Variants in PLEKHA1 observed in about 807,000 individuals in gnomAD.
PLEKHA1 encodes pleckstrin homology domain containing A1, also known as pleckstrin homology domain-containing family A member 1.
Under a neutral mutation model 52.0 loss-of-function variants are expected in PLEKHA1, and 34 were observed. The observed-to-expected ratio is 0.65, with a 90% CI of 0.50 to 0.87. PLEKHA1 has a LOEUF of 0.87. Among genes scored for constraint, PLEKHA1 ranks in the 40% least tolerant of loss-of-function variants. PLEKHA1 has a pLI of 0.00. For synonymous variants in PLEKHA1, 163 were observed against 170.7 expected (o/e 0.95, Z 0.35); for missense variants, 497 against 504.2 (o/e 0.99, Z 0.14).
intron 8 of PLEKHA1, 21 bp from the exon 9 acceptor site, chr10:122,424,171 GTTTTTTT>G (rs34058512): frequency 2.9e-4 from 274 of 955,378 alleles, no homozygotes; most frequent in African/African-American, 2.5e-3. Context: ...TCATGTAACT[GTTTTTTT>G]TTTTTTTTTT....
At chr10:122,410,943 A>G (rs1035544438) in intron 5 of PLEKHA1, among the ~76,000 whole-genome samples, 11 of 152,132 alleles carry the variant, frequency 7.2e-5, no homozygotes, top group African/African-American at 2.4e-4. Flanking sequence ...GTTCTTCTCA[A>G]TGAGATAACT....
At chr10:122,402,845 A>T (rs2096950245) in intron 4 of PLEKHA1, among the ~76,000 whole-genome samples, 1 of 152,224 alleles carries the variant, frequency 6.6e-6, no homozygotes. Context: ...ATAGGAAGAT[A>T]TCTTAAATGA....
In PLEKHA1 at chr10:122,426,935, C is replaced by T; in HGVS notation, c.811-7C>T. 1 of 1,608,668 alleles carries T rather than the reference C, an allele frequency of 6.2e-7. No individual in the cohort carries two copies. Among genetic ancestry groups the T allele is most frequent in the South Asian group, 1.1e-5 (1 of 90,432 alleles). On this transcript the variant is annotated splice_region_variant and splice_polypyrimidine_tract_variant and intron_variant, in intron 10 of 11. Transcript: ENST00000368990. ...AAATTGTTTGAATGAGTTCTTTTTT[C>T]CTTTAGGCTGATAGCCCTGAAGAGA... is the stretch of plus-strand genomic sequence containing the variant.
intron 4 of PLEKHA1, among the ~76,000 whole-genome samples, chr10:122,400,832 A>G (rs1376446883): frequency 2.0e-5 from 3 of 152,248 alleles, no homozygotes; most frequent in African/African-American, 7.2e-5. Flanking sequence ...AGTATATGCC[A>G]GGCACTGTGC....
intron 6 of PLEKHA1, among the ~76,000 whole-genome samples, chr10:122,414,620 A>G (rs2097148994): frequency 1.3e-5 from 2 of 152,180 alleles, no homozygotes. Context: ...CAAGAAATCC[A>G]ATTAGAAAAT....
chr10:122,394,252 T>A (rs1289602991), intron 2 of PLEKHA1, among the ~76,000 whole-genome samples: 1 of 151,838 alleles, frequency 6.6e-6, no homozygotes, highest in East Asian at 1.9e-4. Context: ...TTTTTTGTAT[T>A]TTTAGTAGAG....
intron 5 of PLEKHA1, among the ~76,000 whole-genome samples, chr10:122,406,930 A>G (rs188686823): frequency 4.6e-5 from 7 of 152,324 alleles, no homozygotes; most frequent in East Asian, 1.9e-4. Flanking sequence ...ACTTCTTGCA[A>G]CGTTTCTAGG....
downstream of PLEKHA1, chr10:122,436,296 T>C (rs966232544): frequency 6.6e-6 from 1 of 152,040 alleles, no homozygotes; most frequent in African/African-American, 2.4e-5. Context: ...AAATGACATA[T>C]TATTTATACA....
intron 7 of PLEKHA1, among the ~76,000 whole-genome samples, chr10:122,416,337 A>T (rs2097174406): frequency 6.6e-6 from 1 of 151,948 alleles, no homozygotes; most frequent in Admixed American, 6.6e-5. Flanking sequence ...TGTTGTGGGG[A>T]GATGGCAGGC....
chr10:122,425,023 AATAAAC>A (rs2097317491), intron 10 of PLEKHA1, 64 bp downstream of exon 10: 2 of 1,417,334 alleles, frequency 1.4e-6, no homozygotes, highest in Non-Finnish European at 1.9e-6. Flanking sequence ...TTAGAGGTGA[AATAAAC>A]ATAAACAAGC....
intron 4 of PLEKHA1, among the ~76,000 whole-genome samples, chr10:122,404,388 T>C (rs1045934031): frequency 6.6e-6 from 1 of 152,238 alleles, no homozygotes; most frequent in Non-Finnish European, 1.5e-5. Context: ...AAGATCCTTA[T>C]ATATTTATTC....
chr10:122,442,172 C>G, the PLEKHA1 span: 2 of 152,378 alleles, frequency 1.3e-5, no homozygotes, highest in African/African-American at 4.8e-5. Flanking sequence ...CGGAGCCTCC[C>G]TGGCTTCCAC....
chr10:122,404,931 C>G (rs1437649029), intron 4 of PLEKHA1, among the ~76,000 whole-genome samples: 1 of 152,132 alleles, frequency 6.6e-6, no homozygotes, highest in African/African-American at 2.4e-5. Context: ...GCTAGTATAT[C>G]TTTTAAAATT....
chr10:122,389,111 C>T (rs907925221), intron 1 of PLEKHA1, among the ~76,000 whole-genome samples: 1 of 152,116 alleles, frequency 6.6e-6, no homozygotes, highest in African/African-American at 2.4e-5. Context: ...AATGATGAAT[C>T]CTCTCCAGAA....
Position 122,393,354 on chromosome 10 carries a change from C to A in PLEKHA1, c.141+13C>A. On this transcript the variant is annotated intron_variant, in intron 2 of 11. Coordinates refer to ENST00000368990, the MANE Select transcript of PLEKHA1 (RefSeq NM_001001974.4). The surrounding 1 kb of genome is among the most constrained non-coding windows in gnomAD (Gnocchi z 4.5). ...GGATAATCCACAGGTTTGTAAAATCCCAAGGATTATCTTTTAAAAGCACAG... is the reference window on the plus strand; with the variant it reads ...GGATAATCCACAGGTTTGTAAAATCACAAGGATTATCTTTTAAAAGCACAG... 1 of 1,581,724 alleles carries A rather than the reference C, an allele frequency of 6.3e-7. No homozygotes were observed. The highest frequency in any genetic ancestry group is 1.2e-5 in the South Asian group (1 of 83,630).
intron 11 of PLEKHA1, among the ~76,000 whole-genome samples, chr10:122,428,577 AAATT>A (rs1366092469): frequency 6.6e-6 from 1 of 152,228 alleles, no homozygotes; most frequent in Non-Finnish European, 1.5e-5. Flanking sequence ...TAACATATAA[AAATT>A]AATATACTCA....
Position 122,417,961 on chromosome 10 carries a change from C to G in PLEKHA1, c.674C>G (p.Ser225Cys), listed in dbSNP as rs748416070. Residue 225 changes from serine (S) to cysteine (C), a missense_variant, in exon 8 of 12, where the codon TCT becomes TGT. Physicochemically the swap from Ser to Cys is moderately radical, Grantham distance 112. Transcript: ENST00000368990. ...GAAAACACAATAGGCTACTTCAAATCTGAACTGGTATGTTGTTACGTCATA... is the reference window on the plus strand; with the variant it reads ...GAAAACACAATAGGCTACTTCAAATGTGAACTGGTATGTTGTTACGTCATA... ...LDENTIGYFKSELEKEPLRVI... is the reference protein window; with the variant it reads ...LDENTIGYFKCELEKEPLRVI... 6.2e-7 allele frequency: 1 copy of G among 1,608,216 alleles called. No individual in the cohort carries two copies. Among genetic ancestry groups the G allele is most frequent in the Non-Finnish European group, 8.5e-7 (1 of 1,175,056 alleles).
In PLEKHA1 at chr10:122,416,259, T is replaced by TTTAATG. The variant is rs142675999; in HGVS notation, c.612+260_612+265dup. On this transcript the variant is annotated intron_variant, in intron 7 of 11. Coordinates refer to ENST00000368990, the MANE Select transcript of PLEKHA1 (RefSeq NM_001001974.4). ...CAGTTTAAATGAGCTTTCCTAACAG[T>TTTAATG]TTAATGTTTTAGAAAGTGTTTCTAT... 7.3e-3 allele frequency among the ~76,000 whole-genome samples: 1,113 copies of TTTAATG among 152,234 alleles called. 18 individuals are homozygous for TTTAATG. Among genetic ancestry groups the TTTAATG allele is most frequent in the African/African-American group, 0.025 (1,039 of 41,522 alleles).
At chr10:122,429,494 TTGTGTGTG>T (rs35620141) in intron 11 of PLEKHA1, 122 bp from the exon 12 acceptor site, 27,481 of 623,436 alleles carry the variant, frequency 0.044, 25 homozygotes, top group South Asian at 0.084. Context: ...GCTGCTGCCT[TTGTGTGTG>T]TGTGTGTGTG....
Sources: gnomAD v4.1 joint callset for allele counts (sites outside exome capture counted in the v4.1 genomes callset) on GRCh38, gnomAD v4.1.1 for gene constraint, Gnocchi (gnomAD v3.1) non-coding constraint, MANE v1.5 for transcripts, NCBI Gene and HGNC (gene_info 2026-07-23, HGNC 2026-07-21) for gene names.